PLEKHG1: variants seen among roughly 807,000 people sequenced by gnomAD.
PLEKHG1 encodes pleckstrin homology and RhoGEF domain containing G1.
Under a neutral mutation model 100.8 loss-of-function variants are expected in PLEKHG1, and 44 were observed. The ratio of observed to expected loss-of-function variants is 0.44; its 90% confidence interval spans 0.34 to 0.56. PLEKHG1 has a LOEUF of 0.56. PLEKHG1 is among the 20% of genes least tolerant of loss of function. The pLI is 0.01. For missense variants in PLEKHG1, 1,545 were observed against 1,720.9 expected, an observed-to-expected ratio of 0.90 and a Z score of 1.81; for synonymous variants, 640 against 662.5, an observed-to-expected ratio of 0.97 and a Z score of 0.52.
chr6:150,827,555 C>T (rs1583208632), intron 14 of PLEKHG1: 2 of 621,254 alleles, frequency 3.2e-6, no homozygotes, highest in Non-Finnish European at 3.0e-6. Flanking sequence ...GGATTACAGG[C>T]GTGAGCCACT....
At position 150,809,093 on chromosome 6, in the gene PLEKHG1, T is replaced by C. The variant is rs753921871; in HGVS notation, c.913-12T>C. 5.6e-6 allele frequency: 9 copies of C among 1,609,114 alleles called. No homozygotes were observed. The South Asian group carries it at 9.9e-5, about 18-fold the overall frequency. ...GCCTCCTGTAAATGCCATGGCCCAT[T>C]CCCTTTCTCAGGAGATACAGAGTTT... On this transcript the variant is annotated splice_polypyrimidine_tract_variant and intron_variant, in intron 7 of 15. Coordinates refer to ENST00000358517, the Ensembl canonical transcript of PLEKHG1.
intron 3 of PLEKHG1, among the ~76,000 whole-genome samples, chr6:150,686,525 G>T (rs1339037172): frequency 6.6e-6 from 1 of 152,146 alleles, no homozygotes; most frequent in East Asian, 1.9e-4. Flanking sequence ...TAGACTTTAA[G>T]TAAAAAATGA....
chr6:150,805,575 T>C (rs1787025182), intron 7 of PLEKHG1, among the ~76,000 whole-genome samples: 2 of 152,048 alleles, frequency 1.3e-5, no homozygotes, highest in African/African-American at 4.8e-5. Context: ...TCGCCCAGGC[T>C]GGAATGCAGT....
At chr6:150,621,293 C>A (rs1457021268) in intron 1 of PLEKHG1, among the ~76,000 whole-genome samples, 1 of 152,096 alleles carries the variant, frequency 6.6e-6, no homozygotes, top group East Asian at 1.9e-4. Context: ...AAAGTCACAA[C>A]CTCTCTGAAT....
chr6:150,832,437 G>A (rs1425877212), intron 15 of PLEKHG1, among the ~76,000 whole-genome samples: 3 of 152,116 alleles, frequency 2.0e-5, no homozygotes, highest in South Asian at 2.1e-4. Flanking sequence ...ATGTAACATC[G>A]TAACTGCAGA....
chr6:150,615,559 T>C (rs1777038404), intron 1 of PLEKHG1, among the ~76,000 whole-genome samples: 1 of 152,210 alleles, frequency 6.6e-6, no homozygotes, highest in Non-Finnish European at 1.5e-5. Flanking sequence ...ATATAAATCT[T>C]ATATATTGAT....
rs141648102 is a variant in PLEKHG1 at position 150,765,493 on chromosome 6, C to CAA, written c.412-3143_412-3142dup. On this transcript the variant is annotated intron_variant, in intron 2 of 15. Transcript: ENST00000358517. ...TGGGTGACAGAGTGAGACTCTGTCT[C>CAA]AAAGAAAAAAAAAAATTTAATGTGA... Among the ~76,000 whole-genome samples, 14 of 140,672 alleles carry CAA rather than the reference C, an allele frequency of 1.0e-4. 1 individual carries two copies. Among genetic ancestry groups the CAA allele is most frequent in the African/African-American group, 2.5e-4 (9 of 35,594 alleles). 92.3% of individuals were successfully genotyped at this position (140,672 alleles called of 152,430 possible).
chr6:150,821,832 ATTTTTTTT>A (rs72117887), intron 13 of PLEKHG1, among the ~76,000 whole-genome samples: 2 of 148,942 alleles, frequency 1.3e-5, no homozygotes, highest in Non-Finnish European at 3.0e-5. Flanking sequence ...GGACTCTTTT[ATTTTTTTT>A]TTTATTTTTT....
Position 150,617,883 on chromosome 6 carries a change from GA to G in PLEKHG1, c.-204+17868del, listed in dbSNP as rs372569584. Among the ~76,000 whole-genome samples, 279 of 152,298 alleles carry G rather than the reference GA, an allele frequency of 1.8e-3. 1 individual carries two copies. The highest frequency in any genetic ancestry group is 6.5e-3 in the African/African-American group (269 of 41,542). On this transcript the variant is annotated intron_variant, in intron 1 of 3. Transcript: ENST00000367326. ...TGGGAACAGGTCTTAAGGGGAGCAAGAATACATTGAAACACAGGAGCACTGG... is the reference window on the plus strand; with the variant it reads ...TGGGAACAGGTCTTAAGGGGAGCAAGATACATTGAAACACAGGAGCACTGG...
At chr6:150,747,789 G>A (rs1318923361) in intron 2 of PLEKHG1, among the ~76,000 whole-genome samples, 4 of 152,066 alleles carry the variant, frequency 2.6e-5, no homozygotes, top group South Asian at 2.1e-4. Context: ...CCAGCTACTC[G>A]GGAGGCTGAG....
At chr6:150,751,009 C>T (rs1222617773) in intron 2 of PLEKHG1, among the ~76,000 whole-genome samples, 1 of 152,018 alleles carries the variant, frequency 6.6e-6, no homozygotes, top group African/African-American at 2.4e-5. Flanking sequence ...CATCCGTGTA[C>T]AATGTTGAGC....
intron 2 of PLEKHG1, among the ~76,000 whole-genome samples, chr6:150,648,608 G>T (rs966940286): frequency 1.8e-4 from 28 of 152,164 alleles, no homozygotes; most frequent in African/African-American, 6.3e-4. Flanking sequence ...TTTATTGAGG[G>T]TTCTTACATC....
At chr6:150,669,459 G>A (rs574010282) in intron 3 of PLEKHG1, among the ~76,000 whole-genome samples, 5 of 152,026 alleles carry the variant, frequency 3.3e-5, no homozygotes, top group Non-Finnish European at 7.4e-5. Flanking sequence ...TTTAGCTAAT[G>A]GATAAAATAA....
intron 2 of PLEKHG1, among the ~76,000 whole-genome samples, chr6:150,638,966 A>G (rs1251174339): frequency 6.6e-6 from 1 of 152,246 alleles, no homozygotes; most frequent in African/African-American, 2.4e-5. Context: ...ATGTGTAAAC[A>G]TCATTGAATA....
intron 5 of PLEKHG1, among the ~76,000 whole-genome samples, chr6:150,800,441 A>T (rs561388656): frequency 3.3e-5 from 5 of 152,324 alleles, no homozygotes; most frequent in African/African-American, 9.6e-5. Flanking sequence ...TTGCCAAGCC[A>T]TGGGCCCTGG....
intron 7 of PLEKHG1, among the ~76,000 whole-genome samples, chr6:150,805,784 C>T (rs2128666789): frequency 6.6e-6 from 1 of 152,290 alleles, no homozygotes; most frequent in African/African-American, 2.4e-5. Context: ...GCCTCAGCCT[C>T]CCAAAGTGCT....
chr6:150,801,157 C>A (rs916541109), intron 6 of PLEKHG1, among the ~76,000 whole-genome samples: 1 of 152,088 alleles, frequency 6.6e-6, no homozygotes, highest in Non-Finnish European at 1.5e-5. Flanking sequence ...AGCTATCATG[C>A]GAATGAAAAA....
intron 14 of PLEKHG1, among the ~76,000 whole-genome samples, chr6:150,826,257 C>G (rs11155753): frequency 2.0e-5 from 3 of 151,292 alleles, no homozygotes; most frequent in Non-Finnish European, 4.4e-5. Flanking sequence ...TGGGAGTTCA[C>G]GATCAGCCTG....
chr6:150,773,824 A>G (rs1399028599), intron 3 of PLEKHG1, among the ~76,000 whole-genome samples: 1 of 152,238 alleles, frequency 6.6e-6, no homozygotes, highest in African/African-American at 2.4e-5. Flanking sequence ...CATCCCATCC[A>G]TAAACATGTC....
Sources: gnomAD v4.1 joint callset for allele counts (sites outside exome capture counted in the v4.1 genomes callset) on GRCh38, gnomAD v4.1.1 for gene constraint, MANE v1.5 for transcripts, NCBI Gene and HGNC (gene_info 2026-07-23, HGNC 2026-07-21) for gene names.